The following LUZP2 variants were observed in gnomAD, a reference collection of about 807,000 sequenced individuals.
LUZP2 encodes leucine zipper protein 2.
LUZP2 carries 52 observed loss-of-function variants against 51.6 expected under a neutral mutation model. The observed-to-expected ratio is 1.01, with a 90% CI of 0.81 to 1.27. The LOEUF is 1.27. LUZP2 is among the 50% of genes most tolerant of loss of function. LUZP2 has a pLI of 0.00. For synonymous variants in LUZP2, 154 were observed against 137.3 expected (o/e 1.12, Z -0.85); for missense variants, 436 against 395.4 (o/e 1.10, Z -0.87).
intron 3 of LUZP2, among the ~76,000 whole-genome samples, chr11:24,734,945 C>T (rs556007416): frequency 3.6e-4 from 54 of 151,830 alleles, no homozygotes; most frequent in African/African-American, 1.2e-3. Flanking sequence ...TCCCTAGAAG[C>T]CAGGCTTCTT....
chr11:24,699,086 AACACACAC>A (rs67317108), intron 1 of LUZP2, among the ~76,000 whole-genome samples: 2,706 of 138,436 alleles, frequency 0.02, 84 homozygotes, highest in African/African-American at 0.066. Context: ...AAACCACAGA[AACACACAC>A]ACACACACAC....
intron 4 of LUZP2, among the ~76,000 whole-genome samples, chr11:24,741,378 A>G (rs145667823): frequency 5.5e-4 from 83 of 152,110 alleles, no homozygotes; most frequent in Middle Eastern, 6.8e-3. Flanking sequence ...ATTTTCTTAA[A>G]TGCAGACTAT....
chr11:24,817,017 A>C (rs1288058402), intron 5 of LUZP2, among the ~76,000 whole-genome samples: 1 of 152,112 alleles, frequency 6.6e-6, no homozygotes, highest in East Asian at 1.9e-4. Context: ...TAAATTCTTA[A>C]AATAAATCAT....
At chr11:24,646,907 A>T (rs536289673) in intron 1 of LUZP2, among the ~76,000 whole-genome samples, 1 of 152,162 alleles carries the variant, frequency 6.6e-6, no homozygotes, top group African/African-American at 2.4e-5. Flanking sequence ...CAGTAATGTT[A>T]TAATATATAA....
chr11:24,799,970 T>G (rs1849651748), intron 5 of LUZP2, among the ~76,000 whole-genome samples: 1 of 152,176 alleles, frequency 6.6e-6, no homozygotes, highest in Non-Finnish European at 1.5e-5. Context: ...CTTAATTCTT[T>G]TAGCTAAAGG....
At chr11:24,780,207 T>C (rs1849049313) in intron 5 of LUZP2, among the ~76,000 whole-genome samples, 1 of 152,162 alleles carries the variant, frequency 6.6e-6, no homozygotes, top group Non-Finnish European at 1.5e-5. Context: ...GATGGTGGAT[T>C]CCATTTCCAG....
chr11:24,572,432 T>C (rs1509592), intron 1 of LUZP2, among the ~76,000 whole-genome samples: 27,829 of 151,810 alleles, frequency 0.18, 2,908 homozygotes, highest in African/African-American at 0.27. Context: ...CAAAGACTCA[T>C]TAGAGTTTGT....
chr11:24,711,453 AT>A (rs1344153675), intron 1 of LUZP2, among the ~76,000 whole-genome samples: 1 of 45,302 alleles, frequency 2.2e-5, no homozygotes, highest in Non-Finnish European at 6.6e-5. Context: ...CCATCTCAAA[AT>A]AAATAAATAA....
At chr11:24,976,748 G>A in intron 8 of LUZP2, 83 bp downstream of exon 8, 1 of 690,498 alleles carries the variant, frequency 1.4e-6, no homozygotes, top group Non-Finnish European at 2.1e-6. Context: ...TATGCTCATT[G>A]CTTTTCTTGA....
At chr11:24,817,076 G>A (rs1850211449) in intron 5 of LUZP2, among the ~76,000 whole-genome samples, 1 of 151,936 alleles carries the variant, frequency 6.6e-6, no homozygotes, top group Admixed American at 6.6e-5. Flanking sequence ...CAGACATCTG[G>A]ATTCAGAGTA....
At chr11:25,035,531 C>G (rs534949357) in intron 9 of LUZP2, among the ~76,000 whole-genome samples, 1 of 151,840 alleles carries the variant, frequency 6.6e-6, no homozygotes, top group South Asian at 2.1e-4. Context: ...TGAAAAAAAA[C>G]CAGGTATGAC....
intron 9 of LUZP2, among the ~76,000 whole-genome samples, chr11:24,985,723 A>G (rs1856169904): frequency 6.6e-6 from 1 of 151,730 alleles, no homozygotes; most frequent in African/African-American, 2.4e-5. Context: ...GGGAAGCCAA[A>G]CTGGTTTGTT....
intron 5 of LUZP2, among the ~76,000 whole-genome samples, chr11:24,784,758 G>C (rs372460929): frequency 2.6e-4 from 40 of 152,102 alleles, no homozygotes; most frequent in African/African-American, 8.7e-4. Flanking sequence ...TAGCAAGGTA[G>C]AATCTGCATG....
chr11:25,070,407 G>C (rs1185624069), intron 10 of LUZP2, among the ~76,000 whole-genome samples: 1 of 151,828 alleles, frequency 6.6e-6, no homozygotes, highest in Non-Finnish European at 1.5e-5. Flanking sequence ...ATCTTGTCAG[G>C]TTCAACTGAC....
chr11:24,778,279 C>T (rs953510783), intron 5 of LUZP2, among the ~76,000 whole-genome samples: 4 of 151,938 alleles, frequency 2.6e-5, no homozygotes, highest in African/African-American at 9.7e-5. Context: ...AGCCGGGCAT[C>T]GTGATGCATG....
intron 1 of LUZP2, among the ~76,000 whole-genome samples, chr11:24,635,809 T>C (rs1855081440): frequency 6.6e-6 from 1 of 152,106 alleles, no homozygotes; most frequent in Admixed American, 6.6e-5. Flanking sequence ...AAAGTGGATC[T>C]CAATGCCTTA....
At chr11:24,954,137 C>T (rs1565152983) in intron 7 of LUZP2, among the ~76,000 whole-genome samples, 1 of 151,898 alleles carries the variant, frequency 6.6e-6, no homozygotes, top group Non-Finnish European at 1.5e-5. Flanking sequence ...CCTTGCAAGA[C>T]TCCACATAGC....
At chr11:24,693,640 C>A (rs1331195567) in intron 1 of LUZP2, among the ~76,000 whole-genome samples, 1 of 151,858 alleles carries the variant, frequency 6.6e-6, no homozygotes, top group East Asian at 1.9e-4. Flanking sequence ...ATTTATTAAT[C>A]CTTTGAACAA....
chr11:25,026,499 G>A (rs567937000), intron 9 of LUZP2, among the ~76,000 whole-genome samples: 4 of 151,720 alleles, frequency 2.6e-5, no homozygotes, highest in Middle Eastern at 3.4e-3. Context: ...AAGAAATGTA[G>A]GTTAAAAGAA....
Sources: allele counts gnomAD v4.1 joint callset (sites outside exome capture counted in the v4.1 genomes callset), GRCh38; gene constraint gnomAD v4.1.1; transcripts MANE v1.5; gene names NCBI Gene and HGNC (gene_info 2026-07-23, HGNC 2026-07-21).